The following DNAH12 variants were observed in gnomAD, a reference collection of about 807,000 sequenced individuals.
DNAH12 encodes dynein axonemal heavy chain 12.
DNAH12 carries 285 observed loss-of-function variants against 371.5 expected under a neutral mutation model. That is an observed-to-expected ratio of 0.77 (90% CI 0.70 to 0.85). The LOEUF is 0.85. Among genes scored for constraint, DNAH12 ranks in the 40% least tolerant of loss-of-function variants. DNAH12 has a pLI of 0.00. For missense variants in DNAH12, 3,611 were observed against 3,689.4 expected (o/e 0.98, Z 0.55); for synonymous variants, 1,200 against 1,213.0 (o/e 0.99, Z 0.22).
intron 2 of DNAH12, among the ~76,000 whole-genome samples, chr3:57,528,488 G>A: frequency 6.7e-6 from 1 of 150,054 alleles, no homozygotes; most frequent in Admixed American, 6.6e-5. Context: ...CCCTTTGGGA[G>A]GCCAAGGGGG....
chr3:57,543,530 C>G (rs1413801970), intron 1 of DNAH12, among the ~76,000 whole-genome samples: 1 of 150,050 alleles, frequency 6.7e-6, no homozygotes, highest in Non-Finnish European at 1.5e-5. Context: ...CCATGTTGGC[C>G]AGGCTGGTCT....
At position 57,388,649 on chromosome 3, in the gene DNAH12, A is replaced by G. The variant is rs1343678049; in HGVS notation, c.7306-1430T>C. Among the ~76,000 whole-genome samples, 6 of 152,314 alleles carry G rather than the reference A, an allele frequency of 3.9e-5. No homozygotes were observed. In the South Asian group the frequency reaches 1.2e-3, roughly 32 times the overall value. ...AATGTCATATAACTTACACATCATT[A>G]AAAAACATTACAGAGGAGGCTTAGA... On this transcript the variant is annotated intron_variant, in intron 45 of 73. Coordinates refer to ENST00000495027, the MANE Select transcript of DNAH12 (RefSeq NM_001366028.2).
chr3:57,517,932 T>A (rs1174517497), intron 4 of DNAH12, among the ~76,000 whole-genome samples: 1 of 152,142 alleles, frequency 6.6e-6, no homozygotes. Context: ...CTCACATCTG[T>A]AGTCCCAGCT....
At chr3:57,545,096 C>A (rs2153404739), upstream of DNAH12, among the ~76,000 whole-genome samples, 1 of 151,168 alleles carries the variant, frequency 6.6e-6, no homozygotes, top group Non-Finnish European at 1.5e-5. Flanking sequence ...AGTAAAACTT[C>A]CTGGTAGTTT....
At chr3:57,456,193 G>A in intron 22 of DNAH12, among the ~76,000 whole-genome samples, 1 of 152,160 alleles carries the variant, frequency 6.6e-6, no homozygotes, top group Non-Finnish European at 1.5e-5. Context: ...ATGGACAATG[G>A]TGGCTCTTTC....
chr3:57,452,387 C>A (rs79623388), intron 25 of DNAH12, among the ~76,000 whole-genome samples: 3,649 of 152,254 alleles, frequency 0.024, 66 homozygotes, highest in Non-Finnish European at 0.034. Context: ...TATAGTTGAA[C>A]AGCTCTATCC....
intron 34 of DNAH12, among the ~76,000 whole-genome samples, chr3:57,425,408 A>AT (rs371415558): frequency 0.028 from 4,146 of 145,800 alleles, 79 homozygotes; most frequent in Middle Eastern, 0.043. Context: ...CCACCAGGCT[A>AT]TTTTTTTTTT....
At position 57,328,328 on chromosome 3, in the gene DNAH12, T is replaced by C. The variant is rs1327944468; in HGVS notation, c.9979-4709A>G. ...AATCCTCAATAAAATACTGGCAAACTGAATCCAGCAGCACATCAAAAAGCT... is the reference window on the plus strand; with the variant it reads ...AATCCTCAATAAAATACTGGCAAACCGAATCCAGCAGCACATCAAAAAGCT... On this transcript the variant is annotated intron_variant, in intron 62 of 73. Coordinates refer to ENST00000495027, the MANE Select transcript of DNAH12 (RefSeq NM_001366028.2). Among the ~76,000 whole-genome samples, 41 of 150,658 alleles carry C rather than the reference T, an allele frequency of 2.7e-4. No individual in the cohort carries two copies. The South Asian group carries it at 5.5e-3, about 20-fold the overall frequency.
intron 13 of DNAH12, among the ~76,000 whole-genome samples, chr3:57,480,705 A>C (rs545290414): frequency 1.3e-5 from 2 of 152,284 alleles, no homozygotes; most frequent in African/African-American, 4.8e-5. Flanking sequence ...GCAGCACATC[A>C]AAAAGCTTAT....
the DNAH12 span, among the ~76,000 whole-genome samples, chr3:57,554,017 G>A: frequency 9.2e-5 from 14 of 151,544 alleles, no homozygotes; most frequent in Non-Finnish European, 1.9e-4. Context: ...TAGAGACAGG[G>A]TTTCACCATG....
chr3:57,481,268 C>T (rs937458784), intron 13 of DNAH12, among the ~76,000 whole-genome samples: 3 of 152,144 alleles, frequency 2.0e-5, no homozygotes, highest in African/African-American at 7.2e-5. Flanking sequence ...CATTCTTATA[C>T]ACCAATAACA....
At chr3:57,363,331 T>A (rs1327685427) in intron 58 of DNAH12, among the ~76,000 whole-genome samples, 2 of 152,188 alleles carry the variant, frequency 1.3e-5, no homozygotes, top group Non-Finnish European at 1.5e-5. Flanking sequence ...CCAATAATAA[T>A]AAATATATTT....
intron 10 of DNAH12, among the ~76,000 whole-genome samples, chr3:57,501,803 C>G (rs996243024): frequency 6.6e-6 from 1 of 152,176 alleles, no homozygotes; most frequent in African/African-American, 2.4e-5. Context: ...CTTGCTTTTA[C>G]CCTTGAATTA....
At chr3:57,305,488 C>T (rs1475553909) in intron 69 of DNAH12, among the ~76,000 whole-genome samples, 1 of 152,146 alleles carries the variant, frequency 6.6e-6, no homozygotes, top group Non-Finnish European at 1.5e-5. Flanking sequence ...CCCCTCCTGC[C>T]CAGCAATTTA....
At chr3:57,444,839 ATGT>A (rs2065427144) in intron 28 of DNAH12, 23 bp from the exon 29 acceptor site, 7 of 1,530,748 alleles carry the variant, frequency 4.6e-6, no homozygotes, top group Non-Finnish European at 6.2e-6. Context: ...AAAAAGTACA[ATGT>A]TAAGTTAGTT....
At chr3:57,487,322 A>AAAGGGAGG (rs2066957199) in intron 12 of DNAH12, among the ~76,000 whole-genome samples, 1 of 106,766 alleles carries the variant, frequency 9.4e-6, no homozygotes, top group African/African-American at 4.4e-5. Context: ...AGAGAGAGAG[A>AAAGGGAGG]AAGGGAGGGA....
chr3:57,336,528 G>T (rs1553653786), intron 60 of DNAH12, among the ~76,000 whole-genome samples: 2 of 152,052 alleles, frequency 1.3e-5, no homozygotes, highest in Non-Finnish European at 2.9e-5. Context: ...TTCTTTTCCA[G>T]ATGTATAGAT....
At chr3:57,444,188 C>T (rs4368476) in intron 29 of DNAH12, among the ~76,000 whole-genome samples, 13 of 151,538 alleles carry the variant, frequency 8.6e-5, no homozygotes, top group Admixed American at 8.6e-4. Flanking sequence ...GCAACAAGAG[C>T]AAAACTCTGT....
chr3:57,452,394 A>G (rs926214745), intron 25 of DNAH12, among the ~76,000 whole-genome samples: 2 of 152,074 alleles, frequency 1.3e-5, no homozygotes, highest in Non-Finnish European at 2.9e-5. Context: ...GAACAGCTCT[A>G]TCCTCCATAG....
Sources: allele counts gnomAD v4.1 joint callset (sites outside exome capture counted in the v4.1 genomes callset), GRCh38; gene constraint gnomAD v4.1.1; transcripts MANE v1.5; gene names NCBI Gene and HGNC (gene_info 2026-07-23, HGNC 2026-07-21).